SPAG16: variants seen among roughly 807,000 people sequenced by gnomAD.
SPAG16 encodes the protein sperm associated antigen 16.
In SPAG16, 86 loss-of-function variants were observed where a neutral mutation model predicts 80.4. That is an observed-to-expected ratio of 1.07 (90% CI 0.90 to 1.28). The LOEUF (loss-of-function observed/expected upper bound fraction) is 1.28. SPAG16 is among the 50% of genes most tolerant of loss of function. The pLI is 0.00. For missense variants in SPAG16, 870 were observed against 765.3 expected, an observed-to-expected ratio of 1.14 and a Z score of -1.61; for synonymous variants, 294 against 265.9, an observed-to-expected ratio of 1.11 and a Z score of -1.03.
intron 15 of SPAG16, among the ~76,000 whole-genome samples, chr2:214,409,669 A>G (rs1371831570): frequency 6.6e-6 from 1 of 152,206 alleles, no homozygotes; most frequent in Non-Finnish European, 1.5e-5. Context: ...GCAGGAATGT[A>G]TATTGAGTTG....
At chr2:213,702,501 C>T (rs1042517346) in intron 10 of SPAG16, among the ~76,000 whole-genome samples, 1 of 152,162 alleles carries the variant, frequency 6.6e-6, no homozygotes, top group African/African-American at 2.4e-5. Flanking sequence ...CCAGCCACAC[C>T]ATCTTTAAGA....
intron 10 of SPAG16, among the ~76,000 whole-genome samples, chr2:213,811,087 C>T (rs1296776739): frequency 1.3e-5 from 2 of 152,014 alleles, no homozygotes; most frequent in African/African-American, 4.8e-5. Context: ...TAAAAGGAAG[C>T]AATAGTTAAT....
intron 9 of SPAG16, among the ~76,000 whole-genome samples, chr2:213,426,055 T>C (rs1231657072): frequency 6.6e-6 from 1 of 152,240 alleles, no homozygotes; most frequent in African/African-American, 2.4e-5. Context: ...CTAGTATTTC[T>C]TCAATTATTA....
intron 10 of SPAG16, among the ~76,000 whole-genome samples, chr2:213,763,572 A>G (rs1044682139): frequency 6.6e-5 from 10 of 152,284 alleles, no homozygotes; most frequent in Admixed American, 6.5e-4. Flanking sequence ...GCAACATTAA[A>G]AAGTTCTAGG....
chr2:213,736,371 G>C (rs2067282811), intron 10 of SPAG16, among the ~76,000 whole-genome samples: 1 of 151,810 alleles, frequency 6.6e-6, no homozygotes, highest in Admixed American at 6.6e-5. Context: ...TCGGCTCACT[G>C]TAAACTTCAC....
At chr2:213,702,352 T>C (rs1559389306) in intron 10 of SPAG16, among the ~76,000 whole-genome samples, 3 of 152,228 alleles carry the variant, frequency 2.0e-5, no homozygotes. Flanking sequence ...AGGTTTGTTC[T>C]TTCACTTTTT....
At chr2:214,208,501 A>G (rs1460621684) in intron 15 of SPAG16, among the ~76,000 whole-genome samples, 2 of 152,180 alleles carry the variant, frequency 1.3e-5, no homozygotes, top group Admixed American at 6.5e-5. Flanking sequence ...AAACTATTTC[A>G]GTTGAAGACT....
At chr2:213,384,635 T>C (rs533881698) in intron 9 of SPAG16, among the ~76,000 whole-genome samples, 8 of 152,300 alleles carry the variant, frequency 5.3e-5, no homozygotes, top group Middle Eastern at 6.8e-3. Context: ...GTACTTGCTA[T>C]GGTGTAGGAG....
At chr2:213,415,241 T>G (rs1001852995) in intron 9 of SPAG16, among the ~76,000 whole-genome samples, 1 of 152,098 alleles carries the variant, frequency 6.6e-6, no homozygotes, top group Admixed American at 6.5e-5. Flanking sequence ...GCCCCAAGCT[T>G]TTCAGAGGGG....
chr2:214,108,479 A>ACACCC (rs71409874), intron 14 of SPAG16, among the ~76,000 whole-genome samples: 77 of 52,402 alleles, frequency 1.5e-3, no homozygotes, highest in South Asian at 3.4e-3. Flanking sequence ...ACACACACAC[A>ACACCC]CCCCCACACA....
intron 10 of SPAG16, among the ~76,000 whole-genome samples, chr2:213,768,008 C>A (rs1036597440): frequency 4.6e-5 from 7 of 152,088 alleles, no homozygotes; most frequent in Non-Finnish European, 1.0e-4. Context: ...CAGCTCTTAA[C>A]TCAGTTTGGC....
chr2:214,160,437 T>C (rs1003322306), intron 15 of SPAG16, among the ~76,000 whole-genome samples: 1 of 152,038 alleles, frequency 6.6e-6, no homozygotes, highest in South Asian at 2.1e-4. Context: ...CTTCTTTTGC[T>C]GTTCTTACTC....
intron 15 of SPAG16, among the ~76,000 whole-genome samples, chr2:214,205,426 A>T (rs923788945): frequency 6.6e-6 from 1 of 152,236 alleles, no homozygotes; most frequent in Non-Finnish European, 1.5e-5. Context: ...GTTAAAAATC[A>T]TAAGATCCTG....
chr2:214,364,619 G>C (rs767049732), intron 15 of SPAG16, among the ~76,000 whole-genome samples: 11 of 152,128 alleles, frequency 7.2e-5, no homozygotes, highest in Non-Finnish European at 1.6e-4. Context: ...GTTACTAAAA[G>C]CTTCACCGAA....
chr2:214,174,554 C>T (rs1427745015), intron 15 of SPAG16, among the ~76,000 whole-genome samples: 1 of 151,816 alleles, frequency 6.6e-6, no homozygotes, highest in Non-Finnish European at 1.5e-5. Context: ...AATGTTGAAA[C>T]AGTTCAGTTA....
intron 9 of SPAG16, among the ~76,000 whole-genome samples, chr2:213,398,913 A>G (rs1431117774): frequency 6.6e-6 from 1 of 152,324 alleles, no homozygotes; most frequent in East Asian, 1.9e-4. Context: ...GAAGGAATGC[A>G]TAAATTAAAA....
At chr2:213,678,688 C>T (rs1180025178) in intron 10 of SPAG16, among the ~76,000 whole-genome samples, 6 of 152,144 alleles carry the variant, frequency 3.9e-5, no homozygotes. Flanking sequence ...CTGCAGAAAG[C>T]TCACTTCCTG....
chr2:213,957,989 A>G (rs1375979459), intron 12 of SPAG16, among the ~76,000 whole-genome samples: 1 of 152,210 alleles, frequency 6.6e-6, no homozygotes. Context: ...AGGCAGCACA[A>G]CAAAGCCCAT....
intron 13 of SPAG16, among the ~76,000 whole-genome samples, chr2:214,059,222 G>GTATATATATATATATATATATGTATGTA (rs34244219): frequency 4.1e-5 from 5 of 121,466 alleles, no homozygotes; most frequent in East Asian, 5.0e-4. Context: ...ATATGTATGT[G>GTATATATATATATATATATATGTATGTA]TATATATATA....
Sources: allele counts gnomAD v4.1 joint callset (sites outside exome capture counted in the v4.1 genomes callset), GRCh38; gene constraint gnomAD v4.1.1; transcripts MANE v1.5; gene names NCBI Gene and HGNC (gene_info 2026-07-23, HGNC 2026-07-21).